The following KCNT2 variants were observed in gnomAD, a reference collection of about 807,000 sequenced individuals.
The protein encoded by KCNT2 is potassium channel subfamily T member 2.
A neutral mutation model predicts 153.8 loss-of-function variants in KCNT2; 67 were observed. The ratio of observed to expected loss-of-function variants is 0.44; its 90% CI spans 0.36 to 0.53. KCNT2 has a LOEUF of 0.53. Ranked by LOEUF, KCNT2 falls within the 20% of genes least tolerant of loss-of-function variation. The probability of loss-of-function intolerance (pLI) is 0.00; values close to 1 mark genes in which losing one functional copy is unlikely to be tolerated. For synonymous variants in KCNT2, 500 were observed against 458.8 expected (o/e 1.09, Z -1.15); for missense variants, 975 against 1,354.8 (o/e 0.72, Z 4.40).
chr1:196,582,405 G>T (rs556666798), intron 1 of KCNT2: 1 of 154,210 alleles, frequency 6.5e-6, no homozygotes. Context: ...CTTGACATGC[G>T]CAAAAAATGC....
intron 23 of KCNT2, 120 bp downstream of exon 23, chr1:196,285,537 C>T: frequency 1.7e-6 from 1 of 574,296 alleles, no homozygotes; most frequent in Non-Finnish European, 3.1e-6. Context: ...TACTGAATTA[C>T]TTTTGGAGCC....
chr1:196,557,600 T>C (rs1033990223), intron 1 of KCNT2, among the ~76,000 whole-genome samples: 7 of 151,090 alleles, frequency 4.6e-5, no homozygotes, highest in South Asian at 2.1e-4. Context: ...AATAGAATAA[T>C]AGTCTGGCCC....
At chr1:196,519,190 A>G (rs1232043224) in intron 1 of KCNT2, among the ~76,000 whole-genome samples, 2 of 152,180 alleles carry the variant, frequency 1.3e-5, no homozygotes, top group African/African-American at 2.4e-5. Context: ...CTGCTCCTCA[A>G]TGACTTTGGA....
At chr1:196,259,290 G>C (rs1450795784) in intron 25 of KCNT2, among the ~76,000 whole-genome samples, 1 of 151,994 alleles carries the variant, frequency 6.6e-6, no homozygotes, top group African/African-American at 2.4e-5. Context: ...GACTAAATTT[G>C]ATTTTTAAAG....
chr1:196,497,185 T>C (rs1166229694), intron 1 of KCNT2, among the ~76,000 whole-genome samples: 1 of 152,170 alleles, frequency 6.6e-6, no homozygotes, highest in Non-Finnish European at 1.5e-5. Flanking sequence ...TTCAACTAGT[T>C]GCAGATAGGA....
intron 17 of KCNT2, among the ~76,000 whole-genome samples, chr1:196,332,586 G>A (rs1447759377): frequency 6.6e-6 from 1 of 152,094 alleles, no homozygotes; most frequent in African/African-American, 2.4e-5. Flanking sequence ...AAAGACACTG[G>A]AAGAAATGTC....
At chr1:196,445,958 G>C (rs1159423373) in intron 8 of KCNT2, among the ~76,000 whole-genome samples, 1 of 150,904 alleles carries the variant, frequency 6.6e-6, no homozygotes, top group East Asian at 2.0e-4. Flanking sequence ...AATGATATTT[G>C]TTCAAAGAGC....
At chr1:196,292,664 G>T (rs900875684) in intron 22 of KCNT2, among the ~76,000 whole-genome samples, 1 of 151,940 alleles carries the variant, frequency 6.6e-6, no homozygotes, top group South Asian at 2.1e-4. Flanking sequence ...AAAATTAGCC[G>T]GGCGCCTTGG....
chr1:196,367,879 G>T (rs1431580596), intron 14 of KCNT2, among the ~76,000 whole-genome samples: 1 of 152,146 alleles, frequency 6.6e-6, no homozygotes, highest in Non-Finnish European at 1.5e-5. Context: ...TATAGCCTCA[G>T]TTGGCAATAA....
chr1:196,290,581 C>T (rs1044244399), intron 22 of KCNT2, among the ~76,000 whole-genome samples: 13 of 147,392 alleles, frequency 8.8e-5, no homozygotes, highest in South Asian at 6.4e-4. Flanking sequence ...TATATATATA[C>T]ACACACACAC....
chr1:196,411,615 G>T (rs1672345162), intron 12 of KCNT2, among the ~76,000 whole-genome samples: 1 of 151,614 alleles, frequency 6.6e-6, no homozygotes, highest in Non-Finnish European at 1.5e-5. Context: ...TTAATTCTAA[G>T]TATTTTATTC....
intron 6 of KCNT2, 47 bp downstream of exon 6, chr1:196,468,947 T>G (rs542903689): frequency 1.8e-6 from 2 of 1,095,294 alleles, no homozygotes; most frequent in African/African-American, 1.6e-5. Context: ...ATATTTTACT[T>G]AAGTCTAATT....
chr1:196,601,698 A>G (rs1334660749), intron 1 of KCNT2, among the ~76,000 whole-genome samples: 1 of 152,198 alleles, frequency 6.6e-6, no homozygotes, highest in Admixed American at 6.5e-5. Flanking sequence ...CCATCTTACC[A>G]ATTCTCTGAC....
At chr1:196,311,247 G>A (rs1443269139) in intron 21 of KCNT2, among the ~76,000 whole-genome samples, 1 of 151,612 alleles carries the variant, frequency 6.6e-6, no homozygotes, top group Non-Finnish European at 1.5e-5. Context: ...AGTATTCAAA[G>A]GCCACCAGCT....
At chr1:196,350,254 T>C (rs548406775) in intron 14 of KCNT2, among the ~76,000 whole-genome samples, 30 of 152,300 alleles carry the variant, frequency 2.0e-4, no homozygotes, top group Admixed American at 2.0e-4. Flanking sequence ...ACGGTATTTC[T>C]AGTTCTAGAT....
intron 13 of KCNT2, among the ~76,000 whole-genome samples, chr1:196,375,340 C>A (rs1336707617): frequency 6.6e-6 from 1 of 151,766 alleles, no homozygotes; most frequent in African/African-American, 2.4e-5. Context: ...ATATGTACTA[C>A]CATCAATGGT....
rs191309054 is a variant in KCNT2 at position 196,495,322 on chromosome 1, C to T, written c.96-2981G>A. 3.2e-4 allele frequency among the ~76,000 whole-genome samples: 48 copies of T among 151,944 alleles called. 1 individual carries two copies. Among genetic ancestry groups the T allele is most frequent in the South Asian group, 2.1e-3 (10 of 4,812 alleles). On this transcript the variant is annotated intron_variant, in intron 1 of 27. Transcript: ENST00000294725. ...TTCTAGCAGCAAGGCATGTTAGTGA[C>T]AGCGTGTACTTTTGAGACCTTCCTC...
At chr1:196,436,753 T>A (rs1674697771) in intron 8 of KCNT2, among the ~76,000 whole-genome samples, 2 of 150,878 alleles carry the variant, frequency 1.3e-5, no homozygotes, top group Admixed American at 6.7e-5. Flanking sequence ...ATAAATTAAA[T>A]ACAAAATGTA....
chr1:196,401,972 T>G (rs1181011816), intron 12 of KCNT2, among the ~76,000 whole-genome samples: 1 of 151,284 alleles, frequency 6.6e-6, no homozygotes. Flanking sequence ...AGGACTCTCA[T>G]CAAAAATCCT....
Sources: gnomAD v4.1 joint callset for allele counts (sites outside exome capture counted in the v4.1 genomes callset) on GRCh38, gnomAD v4.1.1 for gene constraint, MANE v1.5 for transcripts, NCBI Gene and HGNC (gene_info 2026-07-23, HGNC 2026-07-21) for gene names.